Variants in PYM1 observed in about 807,000 individuals in gnomAD.
PYM1 encodes PYM1 exon junction complex associated factor, also known as partner of Y14 and mago.
Under a neutral mutation model 20.7 loss-of-function variants are expected in PYM1, and 7 were observed. That is an observed-to-expected ratio of 0.34 (90% CI 0.19 to 0.64). The LOEUF (loss-of-function observed/expected upper bound fraction) is 0.64. Among genes scored for constraint, PYM1 ranks in the 30% least tolerant of loss-of-function variants. The pLI is 0.74. For synonymous variants in PYM1, 100 were observed against 99.2 expected (o/e 1.01, Z -0.05); for missense variants, 194 against 250.0 (o/e 0.78, Z 1.51).
In PYM1 at chr12:55,911,878, G is replaced by A. The variant is rs535020441; in HGVS notation, c.38-8398C>T. Among the ~76,000 whole-genome samples, 55 of 151,594 alleles carry A rather than the reference G, an allele frequency of 3.6e-4. 1 individual carries two copies. Among genetic ancestry groups the A allele is most frequent in the South Asian group, 6.3e-4 (3 of 4,782 alleles). Reference sequence around the variant, plus strand: ...GGGAGGGGAGGGGAGGGGAGATACAGGGTTAAATAACCCATCTGATGAGAA... The same window carrying A: ...GGGAGGGGAGGGGAGGGGAGATACAAGGTTAAATAACCCATCTGATGAGAA... On this transcript the variant is annotated intron_variant, in intron 1 of 2. Transcript: ENST00000408946.
intron 1 of PYM1, among the ~76,000 whole-genome samples, chr12:55,905,770 T>TTA (rs1210028659): frequency 8.2e-5 from 11 of 134,768 alleles, no homozygotes; most frequent in East Asian, 6.1e-4. Flanking sequence ...TTATTTTATA[T>TTA]TATATATATA....
chr12:55,923,067 A>G (rs1883127500), intron 1 of PYM1, among the ~76,000 whole-genome samples: 3 of 152,038 alleles, frequency 2.0e-5, no homozygotes, highest in South Asian at 4.1e-4. Context: ...TCTACTAAAA[A>G]TACAAAATTA....
chr12:55,924,996 T>A (rs895977383), intron 1 of PYM1, among the ~76,000 whole-genome samples: 2 of 152,170 alleles, frequency 1.3e-5, no homozygotes, highest in Non-Finnish European at 2.9e-5. Flanking sequence ...AAAATTTTTT[T>A]AAAAAGAAAA....
chr12:55,904,149 G>C (rs1276126992), intron 1 of PYM1, among the ~76,000 whole-genome samples: 1 of 151,822 alleles, frequency 6.6e-6, no homozygotes, highest in Admixed American at 6.6e-5. Context: ...TGTATTATTA[G>C]TAGAAATGGG....
intron 1 of PYM1, chr12:55,927,323 C>G (rs1883211845): frequency 1.3e-6 from 1 of 783,836 alleles, no homozygotes; most frequent in Non-Finnish European, 2.2e-6. Flanking sequence ...GATACCATTA[C>G]TGAGCGCTTG....
At chr12:55,914,256 C>T (rs1882969727) in intron 1 of PYM1, 3 of 701,366 alleles carry the variant, frequency 4.3e-6, no homozygotes, top group Non-Finnish European at 7.8e-6. Context: ...TACAAATAGC[C>T]CATTATCACA....
At chr12:55,912,592 A>G (rs772466) in intron 1 of PYM1, among the ~76,000 whole-genome samples, 527 of 141,222 alleles carry the variant, frequency 3.7e-3, no homozygotes, top group Non-Finnish European at 5.2e-3. Flanking sequence ...AAGAGGGGGG[A>G]AAAAAAAAAG....
At chr12:55,927,018 G>C in intron 1 of PYM1, 1 of 1,471,710 alleles carries the variant, frequency 6.8e-7, no homozygotes, top group Non-Finnish European at 9.0e-7. Flanking sequence ...CCCTTTCCAA[G>C]TCCGAACCCC....
chr12:55,902,866 C>T (rs1361165960), intron 2 of PYM1, among the ~76,000 whole-genome samples: 2 of 151,854 alleles, frequency 1.3e-5, no homozygotes, highest in African/African-American at 2.4e-5. Context: ...TTCCCGGGTT[C>T]AAGAGATTCT....
At position 55,902,274 on chromosome 12, in the gene PYM1, G is replaced by C. The variant is rs2136255542; in HGVS notation, c.213C>G (p.Val71=). The change falls in exon 3 of 3, where the codon GTC becomes GTG. Residue 71 remains valine (V), a synonymous_variant. Coordinates refer to ENST00000408946, the MANE Select transcript of PYM1 (RefSeq NM_032345.3). ...PGLSPEATAP[V]TPSRPEGGEP... ...CACCACCTTCAGGCCTGGATGGGGT[G>C]ACAGGAGCAGTGGCCTCAGGGCTTA... 2 of 1,614,178 alleles carry C rather than the reference G, an allele frequency of 1.2e-6. No individual in the cohort carries two copies. The highest frequency in any genetic ancestry group is 1.7e-6 in the Non-Finnish European group (2 of 1,180,038).
chr12:55,905,876 T>TTAGATATATATATTCTAA (rs1882795510), intron 1 of PYM1, among the ~76,000 whole-genome samples: 1 of 78,622 alleles, frequency 1.3e-5, no homozygotes, highest in Non-Finnish European at 2.8e-5. Context: ...TATATATCTA[T>TTAGATATATATATTCTAA]TAGATATATA....
At chr12:55,925,901 C>A (rs1057287769) in intron 1 of PYM1, among the ~76,000 whole-genome samples, 2 of 152,122 alleles carry the variant, frequency 1.3e-5, no homozygotes, top group Non-Finnish European at 2.9e-5. Flanking sequence ...CATGAAGGAG[C>A]TACTGGGTAG....
chr12:55,919,682 G>T (rs1480352895), intron 1 of PYM1, among the ~76,000 whole-genome samples: 1 of 151,888 alleles, frequency 6.6e-6, no homozygotes, highest in Non-Finnish European at 1.5e-5. Context: ...CAGATCACCT[G>T]AGGTCAGGAG....
At chr12:55,914,191 GA>G in intron 1 of PYM1, 1 of 662,158 alleles carries the variant, frequency 1.5e-6, no homozygotes, top group Non-Finnish European at 2.8e-6. Flanking sequence ...AGACTGTAAT[GA>G]AAGGCAGAGC....
chr12:55,923,337 G>A (rs543076223), intron 1 of PYM1, among the ~76,000 whole-genome samples: 8 of 151,508 alleles, frequency 5.3e-5, no homozygotes, highest in South Asian at 4.2e-4. Context: ...AGGCCAGGGC[G>A]TGAGGATTGC....
chr12:55,912,278 G>C (rs1190338321), intron 1 of PYM1, among the ~76,000 whole-genome samples: 1 of 151,990 alleles, frequency 6.6e-6, no homozygotes, highest in African/African-American at 2.4e-5. Context: ...CTTGAGTCTG[G>C]GAAGTGGAGG....
intron 1 of PYM1, among the ~76,000 whole-genome samples, chr12:55,921,818 T>C (rs1883102275): frequency 6.6e-6 from 1 of 152,178 alleles, no homozygotes; most frequent in African/African-American, 2.4e-5. Context: ...TAAGTCCATA[T>C]TGATATACAT....
At chr12:55,906,267 T>TGA (rs1302210237) in intron 1 of PYM1, among the ~76,000 whole-genome samples, 1 of 151,878 alleles carries the variant, frequency 6.6e-6, no homozygotes, top group Non-Finnish European at 1.5e-5. Flanking sequence ...TTACTTCCCA[T>TGA]GAGTCACAGA....
intron 1 of PYM1, among the ~76,000 whole-genome samples, chr12:55,915,754 G>A (rs1217699595): frequency 1.3e-5 from 2 of 151,952 alleles, no homozygotes; most frequent in African/African-American, 4.8e-5. Context: ...GAGATAATCA[G>A]GAAAACCTCA....
Sources: gnomAD v4.1 joint callset for allele counts (sites outside exome capture counted in the v4.1 genomes callset) on GRCh38, gnomAD v4.1.1 for gene constraint, MANE v1.5 for transcripts, NCBI Gene and HGNC (gene_info 2026-07-23, HGNC 2026-07-21) for gene names.